ITFG1: variants seen among roughly 807,000 people sequenced by gnomAD.
ITFG1 encodes the protein T-cell immunomodulatory protein.
A neutral mutation model predicts 81.8 loss-of-function variants in ITFG1; 34 were observed. The ratio of observed to expected loss-of-function variants is 0.42; its 90% CI spans 0.32 to 0.55. ITFG1 has a LOEUF of 0.55. Ranked by LOEUF, ITFG1 falls within the 20% of genes least tolerant of loss-of-function variation. The pLI is 0.17. For missense variants in ITFG1, 672 were observed against 755.4 expected (o/e 0.89, Z 1.29); for synonymous variants, 285 against 270.6 (o/e 1.05, Z -0.52).
chr16:47,363,162 G>C (rs955971811), intron 8 of ITFG1, among the ~76,000 whole-genome samples: 1 of 152,134 alleles, frequency 6.6e-6, no homozygotes, highest in African/African-American at 2.4e-5. Flanking sequence ...GCCTCCCAAA[G>C]TGTTGGCATT....
chr16:47,421,269 TGC>T (rs1491101156), intron 6 of ITFG1, among the ~76,000 whole-genome samples: 1 of 129,608 alleles, frequency 7.7e-6, no homozygotes, highest in Non-Finnish European at 1.6e-5. Context: ...TACATACATA[TGC>T]ACACACACAC....
intron 7 of ITFG1, among the ~76,000 whole-genome samples, chr16:47,373,054 T>C (rs1396552345): frequency 6.6e-6 from 1 of 152,188 alleles, no homozygotes; most frequent in Non-Finnish European, 1.5e-5. Flanking sequence ...TTTTAAGAGA[T>C]CATATTACTT....
chr16:47,281,915 C>T (rs1386669849), intron 10 of ITFG1, among the ~76,000 whole-genome samples: 1 of 151,850 alleles, frequency 6.6e-6, no homozygotes, highest in Non-Finnish European at 1.5e-5. Flanking sequence ...GTTACATGGA[C>T]ATATTATGTA....
chr16:47,193,492 C>T (rs141000448), intron 14 of ITFG1, among the ~76,000 whole-genome samples: 2 of 152,100 alleles, frequency 1.3e-5, no homozygotes, highest in East Asian at 3.9e-4. Flanking sequence ...CCCAAGAGTT[C>T]AAGGCCAGCC....
intron 8 of ITFG1, among the ~76,000 whole-genome samples, chr16:47,315,884 G>A (rs566559314): frequency 2.0e-5 from 3 of 151,950 alleles, no homozygotes; most frequent in Non-Finnish European, 4.4e-5. Context: ...TCCCACTCCT[G>A]GGTTCAAGCA....
In ITFG1 at chr16:47,258,747, A is replaced by C; in HGVS notation, c.1222-7T>G. 7.6e-7 allele frequency: 1 copy of C among 1,313,566 alleles called. No homozygotes were observed. Among genetic ancestry groups the C allele is most frequent in the Non-Finnish European group, 1.0e-6 (1 of 957,488 alleles). 81.4% of individuals were successfully genotyped at this position (1,313,566 alleles called of 1,614,324 possible). ...CTACAATGTCCAAGATTCCCTGGAA[A>C]AAAACAAACAAAAATGGTAAGAACA... is the stretch of plus-strand genomic sequence containing the variant. On this transcript the variant is annotated splice_region_variant and splice_polypyrimidine_tract_variant and intron_variant, in intron 11 of 17. Coordinates refer to ENST00000320640, the MANE Select transcript of ITFG1 (RefSeq NM_030790.5).
chr16:47,332,215 A>AAAATG (rs1967646473), intron 8 of ITFG1, among the ~76,000 whole-genome samples: 1 of 151,820 alleles, frequency 6.6e-6, no homozygotes, highest in South Asian at 2.1e-4. Flanking sequence ...AAAATAAAAT[A>AAAATG]AAATAAAAAA....
chr16:47,364,212 G>A (rs1427258803), intron 8 of ITFG1, among the ~76,000 whole-genome samples: 2 of 152,034 alleles, frequency 1.3e-5, no homozygotes, highest in Non-Finnish European at 2.9e-5. Context: ...TATTAAAAAA[G>A]TTTACTGATG....
At chr16:47,314,032 G>C (rs1399286150) in intron 8 of ITFG1, among the ~76,000 whole-genome samples, 1 of 152,100 alleles carries the variant, frequency 6.6e-6, no homozygotes, top group African/African-American at 2.4e-5. Context: ...GTTCTAAATT[G>C]CACACTTCTG....
At chr16:47,163,999 G>A (rs137868715) in intron 14 of ITFG1, among the ~76,000 whole-genome samples, 8 of 150,502 alleles carry the variant, frequency 5.3e-5, no homozygotes, top group Non-Finnish European at 8.9e-5. Context: ...GGCCCTGTAG[G>A]CACATTTTCT....
chr16:47,374,695 AT>A (rs981066984), intron 7 of ITFG1, among the ~76,000 whole-genome samples: 1 of 152,138 alleles, frequency 6.6e-6, no homozygotes, highest in Non-Finnish European at 1.5e-5. Flanking sequence ...ATATAACTGC[AT>A]TTTTTTAAAA....
chr16:47,341,153 G>A (rs143538334), intron 8 of ITFG1, among the ~76,000 whole-genome samples: 1,560 of 151,916 alleles, frequency 0.01, 12 homozygotes, highest in Non-Finnish European at 0.017. Flanking sequence ...GGTAGCTTAG[G>A]CCTATAATCC....
At chr16:47,223,323 C>T (rs139675595) in intron 13 of ITFG1, among the ~76,000 whole-genome samples, 1,756 of 152,276 alleles carry the variant, frequency 0.012, 16 homozygotes, top group Middle Eastern at 0.031. Flanking sequence ...AGTAAATCTT[C>T]GCAACCTACT....
chr16:47,213,004 T>G (rs1309145936), intron 14 of ITFG1, among the ~76,000 whole-genome samples: 3 of 152,248 alleles, frequency 2.0e-5, no homozygotes, highest in African/African-American at 7.2e-5. Context: ...GTTATTAATC[T>G]GAGACTTACT....
intron 10 of ITFG1, among the ~76,000 whole-genome samples, chr16:47,282,612 T>A (rs1484471080): frequency 6.6e-6 from 1 of 152,140 alleles, no homozygotes; most frequent in Non-Finnish European, 1.5e-5. Context: ...AAGTACCCAG[T>A]AGTAGGATTG....
At chr16:47,166,645 T>C (rs903657018) in intron 14 of ITFG1, among the ~76,000 whole-genome samples, 4 of 152,212 alleles carry the variant, frequency 2.6e-5, no homozygotes, top group African/African-American at 9.6e-5. Context: ...AAGTGGTATC[T>C]ACACAGACAT....
chr16:47,275,666 T>C (rs1048514814), intron 10 of ITFG1, among the ~76,000 whole-genome samples: 1 of 152,114 alleles, frequency 6.6e-6, no homozygotes, highest in African/African-American at 2.4e-5. Context: ...TATATATTAC[T>C]GTATATGTAT....
rs561439528 is a variant in ITFG1, at chr16:47,273,510, T to C, written c.1071-12815A>G. Reference sequence around the variant, plus strand: ...GACAACAAGAAATAGTCAAAGGCAATTAATTGATATTCACAATAAAGTTCA... The same window carrying C: ...GACAACAAGAAATAGTCAAAGGCAACTAATTGATATTCACAATAAAGTTCA... On this transcript the variant is annotated intron_variant, in intron 10 of 17. Coordinates refer to ENST00000320640, the MANE Select transcript of ITFG1 (RefSeq NM_030790.5). Among the ~76,000 whole-genome samples the C allele has an allele frequency of 4.7e-4, 71 of 152,332 alleles. 2 individuals are homozygous for C. The highest frequency in any genetic ancestry group is 2.7e-3 in the Admixed American group (42 of 15,298).
At chr16:47,379,367 A>G (rs948793640) in intron 6 of ITFG1, among the ~76,000 whole-genome samples, 4 of 152,128 alleles carry the variant, frequency 2.6e-5, no homozygotes, top group Non-Finnish European at 4.4e-5. Context: ...GTTGATACCA[A>G]AAGTGATCTG....
Sources: allele counts gnomAD v4.1 joint callset (sites outside exome capture counted in the v4.1 genomes callset), GRCh38; gene constraint gnomAD v4.1.1; transcripts MANE v1.5; gene names NCBI Gene and HGNC (gene_info 2026-07-23, HGNC 2026-07-21).